The following MKNK1 variants were observed in gnomAD, a reference collection of about 807,000 sequenced individuals.
MKNK1 encodes MAP kinase-interacting serine/threonine-protein kinase 1.
MKNK1 carries 30 observed loss-of-function variants against 49.3 expected under a neutral mutation model. The ratio of observed to expected loss-of-function variants is 0.61; its 90% CI spans 0.46 to 0.83. The LOEUF (loss-of-function observed/expected upper bound fraction) is 0.83, where lower values mean the gene tolerates loss of function less well. MKNK1 is among the 40% of genes least tolerant of loss of function. The probability of loss-of-function intolerance (pLI) is 0.00; values close to 1 mark genes in which losing one functional copy is unlikely to be tolerated. For synonymous variants in MKNK1, 176 were observed against 201.7 expected, an observed-to-expected ratio of 0.87 and a Z score of 1.08; for missense variants, 423 against 524.7, an observed-to-expected ratio of 0.81 and a Z score of 1.89.
At chr1:46,568,371 A>G in intron 8 of MKNK1, 72 bp downstream of exon 8, 1 of 1,464,102 alleles carries the variant, frequency 6.8e-7, no homozygotes, top group Non-Finnish European at 9.6e-7. Flanking sequence ...ACTGCTAACA[A>G]TCCATCCTGA....
intron 5 of MKNK1, 34 bp from the exon 6 acceptor site, chr1:46,575,054 G>A: frequency 1.5e-6 from 2 of 1,359,882 alleles, no homozygotes; most frequent in Non-Finnish European, 2.1e-6. Flanking sequence ...GAGGGAAAAG[G>A]GGGGAAATGG....
At chr1:46,568,317 A>G (rs1669455483) in intron 8 of MKNK1, 126 bp downstream of exon 8, 3 of 816,238 alleles carry the variant, frequency 3.7e-6, no homozygotes, top group East Asian at 2.5e-5. Context: ...ACATTCTCAC[A>G]TGTCCAAGAC....
intron 8 of MKNK1, among the ~76,000 whole-genome samples, chr1:46,565,610 A>C (rs1668921544): frequency 6.6e-6 from 1 of 152,144 alleles, no homozygotes; most frequent in Non-Finnish European, 1.5e-5. Context: ...TTAAACACGG[A>C]AACTCCTGCG....
chr1:46,584,230 C>G (rs1432580857), intron 2 of MKNK1, among the ~76,000 whole-genome samples: 1 of 152,218 alleles, frequency 6.6e-6, no homozygotes, highest in Non-Finnish European at 1.5e-5. Context: ...TTCTAAGACA[C>G]TCTAGTATGG....
rs1668829902 is a variant in MKNK1, at chr1:46,565,099, C to T, written c.551G>A (p.Ser184Asn). Residue 184 changes from serine to asparagine, a missense_variant, in exon 9 of 13, where the codon AGT (serine) becomes AAT (asparagine). Coordinates refer to ENST00000371945, the MANE Select transcript of MKNK1 (RefSeq NM_001135553.4). ...ACAGGAGTTGTTCAGTTTCATCCCACTGCCCAAGTCAAAGTCACAGATTTT... is the reference window on the plus strand; with the variant it reads ...ACAGGAGTTGTTCAGTTTCATCCCATTGCCCAAGTCAAAGTCACAGATTTT... ...PVKICDFDLG[S>N]GMKLNNSCTP... 16 of 1,614,088 alleles carry T rather than the reference C, an allele frequency of 9.9e-6. No homozygotes were observed. Among genetic ancestry groups the T allele is most frequent in the Non-Finnish European group, 1.3e-5 (15 of 1,180,052 alleles).
At chr1:46,574,884 TGATG>T (rs890802950) in intron 6 of MKNK1, 59 bp downstream of exon 6, 18 of 1,137,074 alleles carry the variant, frequency 1.6e-5, no homozygotes, top group African/African-American at 3.1e-5. Flanking sequence ...CTGGGATTCA[TGATG>T]GATGATCACC....
chr1:46,600,303 C>A (rs1485648078), intron 1 of MKNK1, among the ~76,000 whole-genome samples: 1 of 152,164 alleles, frequency 6.6e-6, no homozygotes, highest in Non-Finnish European at 1.5e-5. Flanking sequence ...GTGTTGTTTT[C>A]CTCTGTGTAT....
At chr1:46,583,676 A>C (rs1672081877) in intron 2 of MKNK1, among the ~76,000 whole-genome samples, 1 of 152,034 alleles carries the variant, frequency 6.6e-6, no homozygotes, top group Non-Finnish European at 1.5e-5. Flanking sequence ...GCAGAACCCC[A>C]CCTGTGACAT....
rs1446087874 is a variant in MKNK1, at chr1:46,564,498, C to T, written c.609+543G>A. Among the ~76,000 whole-genome samples, 12 of 32,746 alleles carry T rather than the reference C, an allele frequency of 3.7e-4. No individual in the cohort carries two copies. The South Asian group carries it at 5.6e-3, about 15-fold the overall frequency. The allele number at this position is 32,746 out of a possible 152,430, so 21.5% of individuals were successfully genotyped here. ...TTTTTTTTTTTTTTTTTTTTTGAGA[C>T]GGAGTTTTGCTCTTGTTGCCCAGGC... On this transcript the variant is annotated intron_variant, in intron 9 of 12. Coordinates refer to ENST00000371945, the MANE Select transcript of MKNK1 (RefSeq NM_001135553.4).
At chr1:46,588,022 C>T (rs1188981288) in intron 2 of MKNK1, among the ~76,000 whole-genome samples, 1 of 152,184 alleles carries the variant, frequency 6.6e-6, no homozygotes, top group Non-Finnish European at 1.5e-5. Flanking sequence ...TAATTCTTAT[C>T]ATAATCTCAA....
intron 1 of MKNK1, among the ~76,000 whole-genome samples, chr1:46,601,276 T>C (rs951348653): frequency 1.3e-5 from 2 of 152,204 alleles, no homozygotes; most frequent in African/African-American, 4.8e-5. Context: ...CGGAACCAGA[T>C]GGTTGGTTTC....
chr1:46,599,796 C>A (rs1674510035), intron 1 of MKNK1, among the ~76,000 whole-genome samples: 1 of 152,174 alleles, frequency 6.6e-6, no homozygotes, highest in Admixed American at 6.5e-5. Context: ...GTTTCCTCAT[C>A]TTTAGATTGG....
chr1:46,601,844 G>T (rs545156196), intron 1 of MKNK1, among the ~76,000 whole-genome samples: 1 of 152,342 alleles, frequency 6.6e-6, no homozygotes, highest in South Asian at 2.1e-4. Flanking sequence ...GAAGGAAAGA[G>T]ACATGGTCCC....
At chr1:46,603,007 T>C (rs1028002894) in intron 1 of MKNK1, among the ~76,000 whole-genome samples, 3 of 152,176 alleles carry the variant, frequency 2.0e-5, no homozygotes, top group African/African-American at 7.2e-5. Context: ...ACTGTCAACA[T>C]CTGCAAAATA....
At chr1:46,572,867 CAA>C (rs1427327441) in intron 6 of MKNK1, among the ~76,000 whole-genome samples, 4 of 152,134 alleles carry the variant, frequency 2.6e-5, no homozygotes, top group African/African-American at 9.7e-5. Context: ...CTGATCCAAA[CAA>C]GAGCACAAAC....
rs368043776 is a variant in MKNK1 at position 46,588,230 on chromosome 1, TTTTTA to T, written c.-2-4906_-2-4902del. Among the ~76,000 whole-genome samples, 310 of 152,362 alleles carry T rather than the reference TTTTTA, an allele frequency of 2.0e-3. 1 individual carries two copies. Among genetic ancestry groups the T allele is most frequent in the African/African-American group, 7.2e-3 (301 of 41,590 alleles). ...TGTGATGGGGTGATTTTTATTTTCT[TTTTTA>T]TATTTTCAGTATTCTCTAAATTGTA... is the stretch of plus-strand genomic sequence containing the variant. On this transcript the variant is annotated intron_variant, in intron 2 of 12. Transcript: ENST00000371945.
chr1:46,592,198 C>G (rs1673436453), intron 2 of MKNK1, among the ~76,000 whole-genome samples: 1 of 152,188 alleles, frequency 6.6e-6, no homozygotes, highest in Non-Finnish European at 1.5e-5. Context: ...CGAGGTCATG[C>G]TGTTGTAGTC....
In MKNK1 at chr1:46,557,807, ACT is replaced by A. The variant is rs1667255851; in HGVS notation, c.*766_*767del. On this transcript the variant is annotated 3_prime_UTR_variant, in exon 13 of 13. Transcript: ENST00000371945. ...TCTAGAAAGAAGAGCAAGCCGTTCC[ACT>A]CTCTGGGAAGTTCATGGGCTTGCAG... The A allele has an allele frequency of 6.6e-6, 1 of 152,136 alleles. No individual in the cohort carries two copies. 9.4% of individuals were successfully genotyped at this position (152,136 alleles called of 1,614,324 possible).
chr1:46,589,192 T>A lies in MKNK1; in HGVS notation c.-3+4921A>T, dbSNP rs1673019271. On this transcript the variant is annotated intron_variant, in intron 2 of 12. Coordinates refer to ENST00000371945, the MANE Select transcript of MKNK1 (RefSeq NM_001135553.4). The surrounding 1 kb of genome is among the most constrained non-coding windows in gnomAD (Gnocchi z 4.3). ...GCTGACGCTTAAAACAATTTCAACA[T>A]AGTAGGACAAGTGCTGGGACAGGGA... is the stretch of plus-strand genomic sequence containing the variant. Among the ~76,000 whole-genome samples the A allele has an allele frequency of 6.6e-6, 1 of 152,192 alleles. No homozygotes were observed. The highest frequency in any genetic ancestry group is 2.4e-5 in the African/African-American group (1 of 41,446).
Sources: gnomAD v4.1 joint callset for allele counts (sites outside exome capture counted in the v4.1 genomes callset) on GRCh38, gnomAD v4.1.1 for gene constraint, Gnocchi (gnomAD v3.1) non-coding constraint, MANE v1.5 for transcripts, NCBI Gene and HGNC (gene_info 2026-07-23, HGNC 2026-07-21) for gene names.